Variants in WDPCP observed in about 807,000 individuals in gnomAD.
The protein encoded by WDPCP is WD repeat-containing and planar cell polarity effector protein fritz homolog.
In WDPCP, 71 loss-of-function variants were observed where a neutral mutation model predicts 93.1. The ratio of observed to expected loss-of-function variants is 0.76; its 90% CI spans 0.63 to 0.93. WDPCP has a LOEUF of 0.93. WDPCP is among the 40% of genes least tolerant of loss of function. The pLI is 0.00. For synonymous variants in WDPCP, 315 were observed against 315.0 expected (o/e 1.00, Z 0.00); for missense variants, 844 against 887.4 (o/e 0.95, Z 0.62).
intron 13 of WDPCP, among the ~76,000 whole-genome samples, chr2:63,297,916 C>T (rs1173520097): frequency 2.6e-5 from 4 of 152,180 alleles, no homozygotes. Context: ...AGAAGAATAG[C>T]ATGATTGGTA....
rs534840831 is a variant in WDPCP, at chr2:63,230,506, C to T, written c.1915+28801G>A. On this transcript the variant is annotated intron_variant, in intron 14 of 17. Coordinates refer to ENST00000272321, the MANE Select transcript of WDPCP (RefSeq NM_015910.7). ...TTCTAGTTCTAGATCCTTGAGGAAT[C>T]GCCACACTGTCTTCCACAATGGTTG... is the stretch of plus-strand genomic sequence containing the variant. 5.9e-5 allele frequency among the ~76,000 whole-genome samples: 9 copies of T among 152,210 alleles called. No homozygotes were observed. The East Asian group carries it at 7.7e-4, about 13-fold the overall frequency.
intron 2 of WDPCP, among the ~76,000 whole-genome samples, chr2:63,698,129 T>C (rs920302337): frequency 1.3e-5 from 2 of 152,006 alleles, no homozygotes; most frequent in Non-Finnish European, 2.9e-5. Context: ...CTAATTTTTG[T>C]ATTTTTATTA....
intron 2 of WDPCP, among the ~76,000 whole-genome samples, chr2:63,686,018 C>T (rs953928174): frequency 5.3e-5 from 8 of 152,104 alleles, no homozygotes; most frequent in African/African-American, 1.9e-4. Context: ...TGGGGTAAAA[C>T]TGAAAATCTT....
intron 14 of WDPCP, among the ~76,000 whole-genome samples, chr2:63,180,502 G>A (rs1284705256): frequency 8.5e-5 from 13 of 152,084 alleles, no homozygotes; most frequent in Admixed American, 8.5e-4. Context: ...CAATGTTGCT[G>A]CAAAAGATGA....
At chr2:63,642,098 G>A (rs1709986844) in intron 3 of WDPCP, among the ~76,000 whole-genome samples, 1 of 151,908 alleles carries the variant, frequency 6.6e-6, no homozygotes, top group Non-Finnish European at 1.5e-5. Context: ...AGTTCATATG[G>A]GGATTTGTTT....
chr2:63,195,713 T>G (rs1339378946), intron 14 of WDPCP, among the ~76,000 whole-genome samples: 1 of 152,008 alleles, frequency 6.6e-6, no homozygotes, highest in Non-Finnish European at 1.5e-5. Context: ...AGGCTAAAAA[T>G]ATCCAAAAAA....
At chr2:63,527,947 G>C (rs994192678) in intron 1 of WDPCP, among the ~76,000 whole-genome samples, 1 of 152,026 alleles carries the variant, frequency 6.6e-6, no homozygotes, top group African/African-American at 2.4e-5. Context: ...TTGTGGTTTT[G>C]ATTTGCATTT....
chr2:63,161,485 C>G (rs1446644036), intron 15 of WDPCP, among the ~76,000 whole-genome samples: 1 of 152,160 alleles, frequency 6.6e-6, no homozygotes. Flanking sequence ...TCTGGCTGTT[C>G]TGCAATGGCA....
chr2:63,321,689 G>A (rs1199775288), intron 12 of WDPCP, among the ~76,000 whole-genome samples: 2 of 151,940 alleles, frequency 1.3e-5, no homozygotes, highest in Non-Finnish European at 2.9e-5. Flanking sequence ...AATAATCTGT[G>A]GCATAATTCT....
chr2:63,798,851 A>G (rs549021247), intron 2 of WDPCP, among the ~76,000 whole-genome samples: 27 of 152,282 alleles, frequency 1.8e-4, no homozygotes, highest in African/African-American at 6.5e-4. Context: ...CTAAAATGAC[A>G]CACAGAGGCT....
At chr2:63,425,630 A>G (rs1333799659) in intron 9 of WDPCP, among the ~76,000 whole-genome samples, 1 of 152,246 alleles carries the variant, frequency 6.6e-6, no homozygotes, top group Non-Finnish European at 1.5e-5. Flanking sequence ...AAAGAATCTC[A>G]GAACTCAAAG....
chr2:63,824,605 A>G (rs1472024040), intron 1 of WDPCP, among the ~76,000 whole-genome samples: 3 of 150,864 alleles, frequency 2.0e-5, no homozygotes, highest in African/African-American at 7.3e-5. Context: ...CAGGATAATT[A>G]GCCATTTTTT....
At chr2:63,526,567 GCTGA>G (rs1703354160) in intron 1 of WDPCP, among the ~76,000 whole-genome samples, 1 of 152,128 alleles carries the variant, frequency 6.6e-6, no homozygotes, top group African/African-American at 2.4e-5. Flanking sequence ...TTCCTCCATA[GCTGA>G]CTATCCTCCA....
intron 1 of WDPCP, among the ~76,000 whole-genome samples, chr2:63,587,377 G>A (rs988337695): frequency 4.6e-5 from 7 of 152,270 alleles, no homozygotes; most frequent in African/African-American, 1.7e-4. Flanking sequence ...TTGTCTGAGA[G>A]CCAAATGAAT....
intron 12 of WDPCP, among the ~76,000 whole-genome samples, chr2:63,360,409 G>A (rs1008288437): frequency 6.6e-5 from 10 of 151,966 alleles, no homozygotes; most frequent in Admixed American, 2.6e-4. Context: ...AACCCTTGTT[G>A]GTTTTTATTT....
intron 1 of WDPCP, among the ~76,000 whole-genome samples, chr2:63,583,530 A>C (rs1447981464): frequency 6.6e-6 from 1 of 152,038 alleles, no homozygotes; most frequent in Non-Finnish European, 1.5e-5. Flanking sequence ...AAAATACAAA[A>C]ATTAGCTGGG....
chr2:63,179,792 G>T (rs1192809521), intron 14 of WDPCP, among the ~76,000 whole-genome samples: 1 of 152,022 alleles, frequency 6.6e-6, no homozygotes, highest in Non-Finnish European at 1.5e-5. Context: ...TAATTTTCAT[G>T]TATTTGTGGA....
chr2:63,504,583 C>A (rs1274697602), intron 1 of WDPCP, among the ~76,000 whole-genome samples: 1 of 151,964 alleles, frequency 6.6e-6, no homozygotes, highest in Admixed American at 6.6e-5. Context: ...TTTCTGTCCA[C>A]AAATTATCTG....
intron 6 of WDPCP, among the ~76,000 whole-genome samples, chr2:63,462,282 T>C (rs768935116): frequency 6.6e-6 from 1 of 152,106 alleles, no homozygotes; most frequent in African/African-American, 2.4e-5. Context: ...TTCTCACTCA[T>C]AGGTGGGAAC....
Sources: gnomAD v4.1 joint callset for allele counts (sites outside exome capture counted in the v4.1 genomes callset) on GRCh38, gnomAD v4.1.1 for gene constraint, MANE v1.5 for transcripts, NCBI Gene and HGNC (gene_info 2026-07-23, HGNC 2026-07-21) for gene names.